The following COL26A1 variants were observed in gnomAD, a reference collection of about 807,000 sequenced individuals.
The protein encoded by COL26A1 is collagen type XXVI alpha 1 chain, also known as collagen alpha-1(XXVI) chain.
In COL26A1, 41 loss-of-function variants were observed where a neutral mutation model predicts 59.3. The ratio of observed to expected loss-of-function variants is 0.69; its 90% CI spans 0.54 to 0.90. COL26A1 has a LOEUF of 0.90. Ranked by LOEUF, COL26A1 falls within the 40% of genes least tolerant of loss-of-function variation. The pLI is 0.00. For missense variants in COL26A1, 612 were observed against 602.3 expected, an observed-to-expected ratio of 1.02 and a Z score of -0.17; for synonymous variants, 266 against 256.0, an observed-to-expected ratio of 1.04 and a Z score of -0.37.
chr7:101,403,376 G>C (rs1401644529), intron 1 of COL26A1, among the ~76,000 whole-genome samples: 1 of 152,028 alleles, frequency 6.6e-6, no homozygotes, highest in African/African-American at 2.4e-5. Context: ...AAAATTAGTG[G>C]GGTGTGGTGG....
In COL26A1 at chr7:101,496,856, G is replaced by A. The variant is rs187168875; in HGVS notation, c.386-36226G>A. Among the ~76,000 whole-genome samples, 183 of 148,848 alleles carry A rather than the reference G, an allele frequency of 1.2e-3. 2 individuals are homozygous for A. The highest frequency in any genetic ancestry group is 1.5e-3 in the Non-Finnish European group (98 of 67,442). Reference sequence around the variant, plus strand: ...AGCCGAGATAGTGCCATTCAACCTGGGCAACACAGTGAGACCCTGTCTCAA... The same window carrying A: ...AGCCGAGATAGTGCCATTCAACCTGAGCAACACAGTGAGACCCTGTCTCAA... On this transcript the variant is annotated intron_variant, in intron 3 of 12. Coordinates refer to ENST00000313669, the MANE Select transcript of COL26A1 (RefSeq NM_001278563.3).
intron 2 of COL26A1, among the ~76,000 whole-genome samples, chr7:101,440,993 AAG>A (rs1793044981): frequency 1.3e-5 from 2 of 151,792 alleles, no homozygotes; most frequent in Non-Finnish European, 2.9e-5. Flanking sequence ...AAAAAAAAGA[AAG>A]AAAGAAAAAG....
intron 1 of COL26A1, 49 bp downstream of exon 1, chr7:101,363,239 C>T: frequency 8.0e-7 from 1 of 1,253,560 alleles, no homozygotes; most frequent in Non-Finnish European, 1.0e-6. Context: ...AGGGAGCGGA[C>T]AGCGGGGGCC....
rs144349911 is a variant in COL26A1 at position 101,459,926 on chromosome 7, T to A, written c.385+12139T>A. Among the ~76,000 whole-genome samples, 968 of 152,204 alleles carry A rather than the reference T, an allele frequency of 6.4e-3. 12 individuals carry two copies. Among genetic ancestry groups the A allele is most frequent in the African/African-American group, 0.021 (867 of 41,520 alleles). ...CCATTCTGCCCCGACTCTAGCTCTG[T>A]GTACGGGCATGTCTGTGTTTTGAAT... On this transcript the variant is annotated intron_variant, in intron 3 of 12. Coordinates refer to ENST00000313669, the MANE Select transcript of COL26A1 (RefSeq NM_001278563.3).
chr7:101,370,284 C>T (rs548098005), intron 1 of COL26A1, among the ~76,000 whole-genome samples: 1 of 152,286 alleles, frequency 6.6e-6, no homozygotes, highest in South Asian at 2.1e-4. Context: ...TGGGGCAAGA[C>T]TAAAGATGAA....
chr7:101,433,755 AGGAGGGAAG>A (rs1367743096), intron 2 of COL26A1, among the ~76,000 whole-genome samples: 2 of 152,216 alleles, frequency 1.3e-5, no homozygotes, highest in African/African-American at 4.8e-5. Flanking sequence ...GAGCAGCAAC[AGGAGGGAAG>A]GCCACAGCAG....
Position 101,372,062 on chromosome 7 carries a change from C to A in COL26A1, c.158+8872C>A, listed in dbSNP as rs149378484. 2.6e-5 allele frequency among the ~76,000 whole-genome samples: 4 copies of A among 152,242 alleles called. No homozygotes were observed. The East Asian group carries it at 5.8e-4, about 22-fold the overall frequency. On this transcript the variant is annotated intron_variant, in intron 1 of 12. Coordinates refer to ENST00000313669, the MANE Select transcript of COL26A1 (RefSeq NM_001278563.3). The stretch of plus-strand genomic sequence containing the variant: ...TGTTCTTAGGAAAAAGGATAGTAAA[C>A]CCTCTGTTCATGAATGTGACCGTGG...
At chr7:101,544,321 G>A (rs1795683038) in intron 6 of COL26A1, among the ~76,000 whole-genome samples, 1 of 151,868 alleles carries the variant, frequency 6.6e-6, no homozygotes, top group Non-Finnish European at 1.5e-5. Context: ...TCTGCCTCCC[G>A]GGTTCAAGCA....
intron 3 of COL26A1, among the ~76,000 whole-genome samples, chr7:101,501,619 C>A (rs1343143721): frequency 6.6e-6 from 1 of 152,120 alleles, no homozygotes; most frequent in Non-Finnish European, 1.5e-5. Flanking sequence ...TGTTTCTGCC[C>A]CAGGCCTGTA....
chr7:101,533,659 T>G (rs1257606012), intron 4 of COL26A1, among the ~76,000 whole-genome samples: 1 of 152,012 alleles, frequency 6.6e-6, no homozygotes, highest in Non-Finnish European at 1.5e-5. Context: ...CAGGCAGCAC[T>G]GGGCAGGGAG....
intron 3 of COL26A1, among the ~76,000 whole-genome samples, chr7:101,448,591 C>T (rs1433338423): frequency 1.3e-5 from 2 of 151,996 alleles, no homozygotes; most frequent in African/African-American, 4.8e-5. Flanking sequence ...CTCCTGGGCT[C>T]AATTGATCCT....
At chr7:101,412,254 A>G (rs1792259542) in intron 1 of COL26A1, among the ~76,000 whole-genome samples, 1 of 152,164 alleles carries the variant, frequency 6.6e-6, no homozygotes, top group African/African-American at 2.4e-5. Flanking sequence ...TGACAACACC[A>G]GGAGTTACCA....
chr7:101,488,118 A>G (rs1178316251), intron 3 of COL26A1, among the ~76,000 whole-genome samples: 1 of 150,196 alleles, frequency 6.7e-6, no homozygotes, highest in African/African-American at 2.5e-5. Context: ...TACTGAAAAA[A>G]AAACAAAACA....
At chr7:101,384,159 G>A (rs190424357) in intron 1 of COL26A1, among the ~76,000 whole-genome samples, 7 of 150,870 alleles carry the variant, frequency 4.6e-5, no homozygotes, top group South Asian at 2.1e-4. Context: ...GACCACAGGC[G>A]TGCGCCACCA....
rs554040437 is a variant in COL26A1 at position 101,493,919 on chromosome 7, C to T, written c.386-39163C>T. 4.7e-4 allele frequency among the ~76,000 whole-genome samples: 66 copies of T among 139,202 alleles called. 2 individuals carry two copies. Among genetic ancestry groups the T allele is most frequent in the South Asian group, 1.2e-3 (5 of 4,318 alleles). 91.3% of individuals were successfully genotyped at this position (139,202 alleles called of 152,430 possible). A position where few individuals can be genotyped will look rare whatever the true frequency, so the allele number is the denominator to read the frequency against. ...CTGCACTCCAGCCTGGGCAACAGAG[C>T]GAGACTCTGTCTCAAAAAAAAAAAA... On this transcript the variant is annotated intron_variant, in intron 3 of 12. Transcript: ENST00000313669.
chr7:101,557,393 G>T lies in COL26A1; in HGVS notation c.1189G>T (p.Gly397Cys), dbSNP rs905237574. The change falls in exon 13 of 13, where the codon GGT (glycine) becomes TGT (cysteine). Residue 397 changes from glycine to cysteine, a missense_variant. Coordinates refer to ENST00000313669, the MANE Select transcript of COL26A1 (RefSeq NM_001278563.3). ...AGATCCCCTGGCCTCCCCAGAGGGA[G>T]GTTCTGGCCAGGATGCTGCCCTGAG... ...IHDPLASPEG[G>C]SGQDAALRAN... The T allele has an allele frequency of 1.2e-6, 2 of 1,613,502 alleles. No homozygotes were observed. Among genetic ancestry groups the T allele is most frequent in the African/African-American group, 1.3e-5 (1 of 74,942 alleles).
intron 1 of COL26A1, among the ~76,000 whole-genome samples, chr7:101,406,152 C>T (rs544373619): frequency 1.3e-5 from 2 of 152,308 alleles, no homozygotes; most frequent in East Asian, 1.9e-4. Flanking sequence ...TTTGGTCAGT[C>T]GCCATGGAGA....
intron 2 of COL26A1, among the ~76,000 whole-genome samples, chr7:101,430,507 T>C (rs1792753880): frequency 6.6e-6 from 1 of 151,638 alleles, no homozygotes; most frequent in South Asian, 2.1e-4. Flanking sequence ...GTCAGGCTGG[T>C]CTTGAACTCT....
At chr7:101,470,396 G>T (rs773431315) in intron 3 of COL26A1, among the ~76,000 whole-genome samples, 4 of 151,832 alleles carry the variant, frequency 2.6e-5, no homozygotes, top group Non-Finnish European at 4.4e-5. Flanking sequence ...GCCCAGCCCC[G>T]GGTAGCCCTT....
Sources: allele counts gnomAD v4.1 joint callset (sites outside exome capture counted in the v4.1 genomes callset), GRCh38; gene constraint gnomAD v4.1.1; transcripts MANE v1.5; gene names NCBI Gene and HGNC (gene_info 2026-07-23, HGNC 2026-07-21).